Variants in PDXDC1 observed in about 807,000 individuals in gnomAD.
The protein encoded by PDXDC1 is pyridoxal-dependent decarboxylase domain-containing protein 1.
PDXDC1 carries 42 observed loss-of-function variants against 100.1 expected under a neutral mutation model. That is an observed-to-expected ratio of 0.42 (90% confidence interval 0.33 to 0.54). The LOEUF is 0.54. Among genes scored for constraint, PDXDC1 ranks in the 20% least tolerant of loss-of-function variants. PDXDC1 has a pLI of 0.10. For missense variants in PDXDC1, 636 were observed against 979.2 expected (o/e 0.65, Z 4.68); for synonymous variants, 260 against 371.7 (o/e 0.70, Z 3.46).
intron 16 of PDXDC1, chr16:15,125,521 A>C: frequency 6.6e-7 from 1 of 1,525,770 alleles, no homozygotes; most frequent in Non-Finnish European, 9.1e-7. Context: ...GACCTGCACC[A>C]GGGCTCGAGG....
chr16:15,104,420 T>G, intron 16 of PDXDC1: 1 of 1,447,704 alleles, frequency 6.9e-7, no homozygotes, highest in Non-Finnish European at 9.1e-7. Context: ...TGTCTTGAGA[T>G]TATCATCCGC....
At chr16:15,147,109 G>A in the PDXDC1 span, among the ~76,000 whole-genome samples, 1 of 146,844 alleles carries the variant, frequency 6.8e-6, no homozygotes, top group Non-Finnish European at 1.5e-5. Context: ...CTGGCAGGGA[G>A]GGAGAGGTGG....
At chr16:14,982,580 CA>C in intron 1 of PDXDC1, among the ~76,000 whole-genome samples, 1 of 152,384 alleles carries the variant, frequency 6.6e-6, no homozygotes, top group Non-Finnish European at 1.5e-5. Flanking sequence ...TGGGAGGAGA[CA>C]AAAGTTCTGG....
At chr16:15,061,718 C>T in intron 16 of PDXDC1, 1 of 1,595,792 alleles carries the variant, frequency 6.3e-7, no homozygotes, top group South Asian at 1.1e-5. Context: ...TCCCAAATGT[C>T]ACATCTCAGT....
At chr16:15,051,702 T>A (rs913700616) in intron 16 of PDXDC1, among the ~76,000 whole-genome samples, 19 of 148,048 alleles carry the variant, frequency 1.3e-4, no homozygotes, top group African/African-American at 4.0e-4. Flanking sequence ...TTTTTAATTT[T>A]TTTTTTTTTT....
At chr16:15,146,147 A>T in the PDXDC1 span, among the ~76,000 whole-genome samples, 2 of 152,126 alleles carry the variant, frequency 1.3e-5, no homozygotes, top group African/African-American at 4.8e-5. Flanking sequence ...CATCACCCAC[A>T]CGTGGGCCAG....
intron 8 of PDXDC1, among the ~76,000 whole-genome samples, chr16:15,013,545 C>T (rs957474733): frequency 6.6e-6 from 1 of 152,210 alleles, no homozygotes; most frequent in African/African-American, 2.4e-5. Flanking sequence ...ACTCATTGGA[C>T]CGTATACTTA....
intron 1 of PDXDC1, chr16:14,989,886 A>T (rs1597330165): frequency 6.5e-7 from 1 of 1,547,810 alleles, no homozygotes; most frequent in East Asian, 2.5e-5. Context: ...GTTGGCCACC[A>T]GGGCCGGCAC....
Position 15,035,530 on chromosome 16 carries a change from G to A in PDXDC1, c.2084G>A (p.Ser695Asn). Reference protein sequence around the residue: ...GVTLPPTPSGSRTKQRLPGQK... With the variant: ...GVTLPPTPSGNRTKQRLPGQK... Reference sequence around the variant, plus strand: ...ACGCTGCCTCCAACGCCCTCGGGCAGTCGCACCAAGCAGAGGCTTCCAGGT... The same window carrying A: ...ACGCTGCCTCCAACGCCCTCGGGCAATCGCACCAAGCAGAGGCTTCCAGGT... Residue 695 changes from serine to asparagine, a missense_variant, in exon 22 of 23, where the codon AGT becomes AAT. By Grantham distance (46) the Ser-to-Asn change is conservative. This residue lies in a region of PDXDC1 where 452 missense variants were observed against 402.9 expected (regional missense o/e 1.12). Coordinates refer to ENST00000396410, the MANE Select transcript of PDXDC1 (RefSeq NM_015027.4). The A allele has an allele frequency of 6.2e-7, 1 of 1,611,310 alleles. No individual in the cohort carries two copies. The highest frequency in any genetic ancestry group is 8.5e-7 in the Non-Finnish European group (1 of 1,178,614).
At chr16:15,147,924 AT>A in the PDXDC1 span, among the ~76,000 whole-genome samples, 1 of 151,662 alleles carries the variant, frequency 6.6e-6, no homozygotes, top group East Asian at 1.9e-4. Context: ...TGACCTTGTG[AT>A]CCCCCCACCT....
chr16:14,983,686 C>T (rs1274712506), intron 1 of PDXDC1, among the ~76,000 whole-genome samples: 1 of 151,932 alleles, frequency 6.6e-6, no homozygotes, highest in African/African-American at 2.4e-5. Context: ...AATTTGGCCA[C>T]ATCACTGTAC....
intron 16 of PDXDC1, among the ~76,000 whole-genome samples, chr16:15,089,345 G>C (rs1274673729): frequency 1.3e-5 from 2 of 151,986 alleles, no homozygotes; most frequent in African/African-American, 4.8e-5. Flanking sequence ...GAGCAATCTT[G>C]GCTACAGACA....
At chr16:14,980,844 C>T (rs1394945661) in intron 1 of PDXDC1, among the ~76,000 whole-genome samples, 3 of 152,290 alleles carry the variant, frequency 2.0e-5, no homozygotes, top group African/African-American at 7.2e-5. Flanking sequence ...AAGTAATCTG[C>T]CCACCTTGGC....
rs1478349807 is a variant in PDXDC1, at chr16:15,109,486, G to A, written c.1400-29393G>A. Among the ~76,000 whole-genome samples, 5 of 148,140 alleles carry A rather than the reference G, an allele frequency of 3.4e-5. No homozygotes were observed. The South Asian group carries it at 8.7e-4, about 26-fold the overall frequency. Reference sequence around the variant, plus strand: ...AGCTTGGCCAATATGGTGAAACCCCGCCTCTACTAAAAATACAAAAATTAT... The same window carrying A: ...AGCTTGGCCAATATGGTGAAACCCCACCTCTACTAAAAATACAAAAATTAT... On this transcript the variant is annotated intron_variant, in intron 16 of 16. Transcript: ENST00000535621.
chr16:15,025,346 G>A (rs572254553), intron 13 of PDXDC1: 2 of 152,536 alleles, frequency 1.3e-5, no homozygotes, highest in South Asian at 2.1e-4. Context: ...AGAATGGGCG[G>A]ATTATTTTGT....
chr16:15,128,059 G>C (rs2047842227), intron 16 of PDXDC1: 3 of 1,607,110 alleles, frequency 1.9e-6, no homozygotes, highest in East Asian at 2.2e-5. Flanking sequence ...GCCAGTCATT[G>C]ACCAGGAAGA....
At chr16:15,133,675 G>A in intron 16 of PDXDC1, 7 of 1,584,294 alleles carry the variant, frequency 4.4e-6, no homozygotes, top group South Asian at 1.1e-5. Context: ...ACACCAGCGG[G>A]GCGCCAGCAT....
At chr16:15,092,072 G>C (rs537743101) in intron 16 of PDXDC1, among the ~76,000 whole-genome samples, 1 of 152,064 alleles carries the variant, frequency 6.6e-6, no homozygotes, top group Non-Finnish European at 1.5e-5. Context: ...CCACCTATTC[G>C]GAAGACTGAG....
intron 21 of PDXDC1, among the ~76,000 whole-genome samples, chr16:15,034,956 G>A (rs185151644): frequency 2.6e-5 from 4 of 152,280 alleles, no homozygotes; most frequent in Admixed American, 2.0e-4. Flanking sequence ...GTGCTGGCAC[G>A]GTTTATTTTG....
Sources: allele counts gnomAD v4.1 joint callset (sites outside exome capture counted in the v4.1 genomes callset), GRCh38; gene constraint gnomAD v4.1.1; regional missense constraint gnomAD v4.1.1; transcripts MANE v1.5; gene names NCBI Gene and HGNC (gene_info 2026-07-23, HGNC 2026-07-21).